Variants in HSD17B12 observed in about 807,000 individuals in gnomAD.
HSD17B12 encodes hydroxysteroid 17-beta dehydrogenase 12, also known as very-long-chain 3-oxoacyl-CoA reductase.
A neutral mutation model predicts 39.3 loss-of-function variants in HSD17B12; 32 were observed. That is an observed-to-expected ratio of 0.81 (90% CI 0.61 to 1.09). The LOEUF is 1.09. HSD17B12 is among the 50% of genes least tolerant of loss of function. The probability of loss-of-function intolerance (pLI) is 0.00; values close to 1 mark genes in which losing one functional copy is unlikely to be tolerated. For missense variants in HSD17B12, 342 were observed against 382.9 expected, an observed-to-expected ratio of 0.89 and a Z score of 0.89; for synonymous variants, 150 against 146.7, an observed-to-expected ratio of 1.02 and a Z score of -0.16.
the HSD17B12 span, among the ~76,000 whole-genome samples, chr11:43,611,495 A>G: frequency 6.6e-6 from 1 of 152,256 alleles, no homozygotes; most frequent in Non-Finnish European, 1.5e-5. Context: ...TGAGTAAAAT[A>G]CACAATTAAG....
chr11:43,814,245 C>G (rs1253232724), intron 4 of HSD17B12, among the ~76,000 whole-genome samples: 2 of 151,792 alleles, frequency 1.3e-5, no homozygotes, highest in Non-Finnish European at 2.9e-5. Flanking sequence ...TCTCTGAAGT[C>G]AAATTTCACG....
the HSD17B12 span, among the ~76,000 whole-genome samples, chr11:43,618,673 C>G: frequency 6.6e-6 from 1 of 152,162 alleles, no homozygotes; most frequent in South Asian, 2.1e-4. Flanking sequence ...TAGTTCTTCC[C>G]AAAACAAGTC....
chr11:43,609,607 T>G, the HSD17B12 span, among the ~76,000 whole-genome samples: 1 of 152,206 alleles, frequency 6.6e-6, no homozygotes, highest in Admixed American at 6.5e-5. Flanking sequence ...TGAGCTCAAG[T>G]GATCCTCCTG....
chr11:43,600,059 C>CT, the HSD17B12 span, among the ~76,000 whole-genome samples: 5 of 152,134 alleles, frequency 3.3e-5, no homozygotes, highest in African/African-American at 4.8e-5. Context: ...ACTCAATACT[C>CT]TTTTTTCTCT....
chr11:43,705,657 G>A (rs981076589), intron 1 of HSD17B12, among the ~76,000 whole-genome samples: 4 of 150,678 alleles, frequency 2.7e-5, no homozygotes, highest in Non-Finnish European at 5.9e-5. Flanking sequence ...CCATATTAAT[G>A]TATTAAGTAT....
the HSD17B12 span, among the ~76,000 whole-genome samples, chr11:43,578,032 G>C: frequency 6.6e-6 from 1 of 152,156 alleles, no homozygotes. Context: ...GAGGGGGAAT[G>C]AGTATCACGC....
At chr11:43,819,283 T>A (rs758083270) in intron 6 of HSD17B12, among the ~76,000 whole-genome samples, 2 of 152,188 alleles carry the variant, frequency 1.3e-5, no homozygotes, top group Non-Finnish European at 2.9e-5. Flanking sequence ...CCTGGCCTCT[T>A]CTGTCTCCAT....
chr11:43,641,179 A>G, the HSD17B12 span: 1 of 151,680 alleles, frequency 6.6e-6, no homozygotes, highest in Non-Finnish European at 1.5e-5. Flanking sequence ...TTTAATTTAA[A>G]TAAAGCAAAA....
the HSD17B12 span, among the ~76,000 whole-genome samples, chr11:43,673,610 G>A: frequency 1.8e-3 from 263 of 149,928 alleles, no homozygotes; most frequent in African/African-American, 6.2e-3. Context: ...ATCCTGCCTA[G>A]CCTCCCAAGT....
In HSD17B12 at chr11:43,856,051, A is replaced by G. The variant is rs1410562814; in HGVS notation, c.*803A>G. 1 of 152,510 alleles carries G rather than the reference A, an allele frequency of 6.6e-6. No homozygotes were observed. The highest frequency in any genetic ancestry group is 1.5e-5 in the Non-Finnish European group (1 of 68,034). The allele number at this position is 152,510 out of a possible 1,614,324, so 9.4% of individuals were successfully genotyped here. ...ACCCAGCTGCCTTTGTTTCTGCATT[A>G]AACCAATATTGATCACACATATGAC... is the stretch of plus-strand genomic sequence containing the variant. On this transcript the variant is annotated 3_prime_UTR_variant, in exon 11 of 11. Coordinates refer to ENST00000278353, the MANE Select transcript of HSD17B12 (RefSeq NM_016142.3).
chr11:43,847,138 CTGTTTCTCAAAGAGGTGT>C (rs1327451330), intron 9 of HSD17B12, among the ~76,000 whole-genome samples: 1 of 152,162 alleles, frequency 6.6e-6, no homozygotes, highest in Non-Finnish European at 1.5e-5. Context: ...CAGTGCCATC[CTGTTTCTCAAAGAGGTGT>C]TGCTCTCCGT....
chr11:43,733,937 G>A, intron 1 of HSD17B12: 1 of 695,838 alleles, frequency 1.4e-6, no homozygotes, highest in Non-Finnish European at 2.7e-6. Flanking sequence ...CTCATCCCAT[G>A]GGTACAGAAA....
At chr11:43,685,949 G>T (rs996987232) in intron 1 of HSD17B12, among the ~76,000 whole-genome samples, 6 of 152,216 alleles carry the variant, frequency 3.9e-5, no homozygotes, top group Non-Finnish European at 8.8e-5. Flanking sequence ...GGATCAAGTA[G>T]CTTGGGATTT....
chr11:43,845,665 T>C (rs1951468368), intron 9 of HSD17B12, among the ~76,000 whole-genome samples: 1 of 152,184 alleles, frequency 6.6e-6, no homozygotes, highest in Admixed American at 6.5e-5. Flanking sequence ...GTATGTGATG[T>C]TGTGTCGTCA....
At chr11:43,609,095 A>AT in the HSD17B12 span, among the ~76,000 whole-genome samples, 67 of 147,176 alleles carry the variant, frequency 4.6e-4, no homozygotes, top group Non-Finnish European at 5.7e-4. Flanking sequence ...TGCCCAGTTG[A>AT]TTTTTTTTTT....
intron 4 of HSD17B12, among the ~76,000 whole-genome samples, chr11:43,807,648 A>G (rs566390625): frequency 6.6e-6 from 1 of 152,326 alleles, no homozygotes; most frequent in Non-Finnish European, 1.5e-5. Flanking sequence ...CCCACATAGA[A>G]TAAGACAAGA....
At chr11:43,727,526 C>T (rs1331033409) in intron 1 of HSD17B12, among the ~76,000 whole-genome samples, 8 of 151,606 alleles carry the variant, frequency 5.3e-5, no homozygotes, top group Admixed American at 5.3e-4. Flanking sequence ...TGCTATATTG[C>T]CCAGGCTGGT....
At chr11:43,786,141 G>C (rs1231341453) in intron 3 of HSD17B12, among the ~76,000 whole-genome samples, 1 of 152,106 alleles carries the variant, frequency 6.6e-6, no homozygotes, top group African/African-American at 2.4e-5. Flanking sequence ...TTTTCTGTCA[G>C]TTGTTCTTTC....
chr11:43,824,422 A>C (rs1040248758), intron 6 of HSD17B12, among the ~76,000 whole-genome samples: 9 of 152,236 alleles, frequency 5.9e-5, no homozygotes, highest in Admixed American at 5.9e-4. Context: ...GTAGTTTATA[A>C]AGAGCATAAA....
Sources: allele counts gnomAD v4.1 joint callset (sites outside exome capture counted in the v4.1 genomes callset), GRCh38; gene constraint gnomAD v4.1.1; transcripts MANE v1.5; gene names NCBI Gene and HGNC (gene_info 2026-07-23, HGNC 2026-07-21).